GRAP2: variants seen among roughly 807,000 people sequenced by gnomAD.
The protein encoded by GRAP2 is GRB2 related adaptor protein 2.
Under a neutral mutation model 43.5 loss-of-function variants are expected in GRAP2, and 31 were observed. The observed-to-expected ratio is 0.71, with a 90% CI of 0.54 to 0.96. The LOEUF is 0.96. GRAP2 is among the 40% of genes least tolerant of loss of function. GRAP2 has a pLI of 0.00. For synonymous variants in GRAP2, 156 were observed against 164.8 expected (o/e 0.95, Z 0.41); for missense variants, 371 against 424.4 (o/e 0.87, Z 1.11).
intron 1 of GRAP2, among the ~76,000 whole-genome samples, chr22:39,928,185 G>A (rs986877877): frequency 9.3e-5 from 14 of 150,130 alleles, no homozygotes; most frequent in African/African-American, 2.9e-4. Flanking sequence ...CTTTTTTTTT[G>A]TCTTCTATCT....
chr22:39,911,116 A>ACTCAGAGG (rs2066561057), intron 1 of GRAP2, among the ~76,000 whole-genome samples: 1 of 152,204 alleles, frequency 6.6e-6, no homozygotes, highest in African/African-American at 2.4e-5. Flanking sequence ...AGGAAATGTC[A>ACTCAGAGG]CTCAGAGGCA....
rs377121774 is a variant in GRAP2, at chr22:39,913,049, T to C, written c.-15+11719T>C. On this transcript the variant is annotated intron_variant, in intron 1 of 7. Transcript: ENST00000344138. ...CTCTACTAAAAATACAAAAATTAGC[T>C]AGGCATGGTGGCGGGCGCCTGTAAT... is the stretch of plus-strand genomic sequence containing the variant. Among the ~76,000 whole-genome samples the C allele has an allele frequency of 6.2e-4, 94 of 151,730 alleles. 1 individual carries two copies. Among genetic ancestry groups the C allele is most frequent in the African/African-American group, 2.2e-3 (91 of 41,346 alleles).
chr22:39,947,035 G>T, intron 1 of GRAP2, 58 bp from the exon 2 acceptor site: 1 of 963,250 alleles, frequency 1.0e-6, no homozygotes. Context: ...AAGCACCATC[G>T]GCTCTGCTGC....
At chr22:39,969,909 C>T (rs762310386) in intron 7 of GRAP2, among the ~76,000 whole-genome samples, 1 of 151,940 alleles carries the variant, frequency 6.6e-6, no homozygotes, top group African/African-American at 2.4e-5. Flanking sequence ...AGCGAAACTC[C>T]GTCTCAAAAA....
intron 4 of GRAP2, among the ~76,000 whole-genome samples, chr22:39,962,841 T>C (rs1397385072): frequency 6.6e-6 from 1 of 151,980 alleles, no homozygotes; most frequent in Non-Finnish European, 1.5e-5. Flanking sequence ...GTGTGTGTGG[T>C]TTTTTTCAGT....
intron 2 of GRAP2, among the ~76,000 whole-genome samples, chr22:39,954,282 G>A (rs369590984): frequency 1.3e-5 from 2 of 152,196 alleles, no homozygotes; most frequent in East Asian, 3.8e-4. Flanking sequence ...TCCAGAAGTA[G>A]GAAGGCTCCT....
chr22:39,899,340 A>G (rs1056194211), upstream of GRAP2, among the ~76,000 whole-genome samples: 1 of 152,176 alleles, frequency 6.6e-6, no homozygotes, highest in African/African-American at 2.4e-5. Context: ...AACACCATTC[A>G]ACATTTTCCC....
Position 39,962,996 on chromosome 22 carries a change from T to A in GRAP2, c.290+2822T>A, listed in dbSNP as rs961918537. Among the ~76,000 whole-genome samples, 83 of 152,130 alleles carry A rather than the reference T, an allele frequency of 5.5e-4. 1 individual carries two copies. The highest frequency in any genetic ancestry group is 2.5e-4 in the Non-Finnish European group (17 of 68,020). Reference sequence around the variant, plus strand: ...AGAACTATGGTTTATATTTCCTTAATTAAAGTGAGTTCTACAAAACAGTAG... The same window carrying A: ...AGAACTATGGTTTATATTTCCTTAAATAAAGTGAGTTCTACAAAACAGTAG... On this transcript the variant is annotated intron_variant, in intron 4 of 7. Coordinates refer to ENST00000344138, the MANE Select transcript of GRAP2 (RefSeq NM_004810.4).
rs976098728 is a variant in GRAP2 at position 39,972,706 on chromosome 22, T to C, written c.*1622T>C. On this transcript the variant is annotated 3_prime_UTR_variant, in exon 8 of 8. Transcript: ENST00000344138. ...TGACTGTGATTCTACAGTTCTCTGATCCTCATGTTTCCTTTAGAGGAAAGA... is the reference window on the plus strand; with the variant it reads ...TGACTGTGATTCTACAGTTCTCTGACCCTCATGTTTCCTTTAGAGGAAAGA... 1 of 152,282 alleles carries C rather than the reference T, an allele frequency of 6.6e-6. No homozygotes were observed. The highest frequency in any genetic ancestry group is 2.1e-4 in the South Asian group (1 of 4,836). The allele number at this position is 152,282 out of a possible 1,614,324, so 9.4% of individuals were successfully genotyped here.
chr22:39,957,085 AT>A (rs2145657244), intron 3 of GRAP2, among the ~76,000 whole-genome samples: 1 of 152,328 alleles, frequency 6.6e-6, no homozygotes, highest in Non-Finnish European at 1.5e-5. Context: ...TGTCTCAAGA[AT>A]TGACCACAAG....
At chr22:39,959,698 G>C (rs1179319958) in intron 3 of GRAP2, among the ~76,000 whole-genome samples, 2 of 152,060 alleles carry the variant, frequency 1.3e-5, no homozygotes, top group Non-Finnish European at 2.9e-5. Flanking sequence ...CTCTGTCCTC[G>C]CAGCTCTGGT....
chr22:39,908,014 C>A (rs2066534974), intron 1 of GRAP2, among the ~76,000 whole-genome samples: 1 of 152,220 alleles, frequency 6.6e-6, no homozygotes, highest in Non-Finnish European at 1.5e-5. Context: ...TTCTGGAAAG[C>A]TGAATTCTGG....
At chr22:39,912,942 C>T (rs1252557194) in intron 1 of GRAP2, among the ~76,000 whole-genome samples, 1 of 151,988 alleles carries the variant, frequency 6.6e-6, no homozygotes, top group African/African-American at 2.4e-5. Context: ...CCTGTAATCC[C>T]AGCACTTTGG....
At chr22:39,942,302 C>G (rs1306172984) in intron 1 of GRAP2, among the ~76,000 whole-genome samples, 2 of 152,060 alleles carry the variant, frequency 1.3e-5, no homozygotes, top group Admixed American at 6.6e-5. Context: ...CTACTGTCTC[C>G]GAGAGGGGCT....
intron 2 of GRAP2, chr22:39,947,594 C>G (rs933639467): frequency 5.5e-6 from 1 of 181,560 alleles, no homozygotes; most frequent in African/African-American, 2.4e-5. Flanking sequence ...ATGTGCAAGC[C>G]CATGCTGAAT....
At chr22:39,920,323 ACTC>A (rs2066638732) in intron 1 of GRAP2, among the ~76,000 whole-genome samples, 1 of 152,156 alleles carries the variant, frequency 6.6e-6, no homozygotes, top group Admixed American at 6.5e-5. Context: ...GAAAATGTTC[ACTC>A]ATCTTCTTCC....
intron 6 of GRAP2, among the ~76,000 whole-genome samples, chr22:39,968,975 C>T (rs2145683664): frequency 6.6e-6 from 1 of 152,274 alleles, no homozygotes; most frequent in East Asian, 1.9e-4. Flanking sequence ...GCAGTCCTAC[C>T]CCTCTAAGCT....
chr22:39,912,274 G>T (rs1004204944), intron 1 of GRAP2, among the ~76,000 whole-genome samples: 17 of 152,124 alleles, frequency 1.1e-4, no homozygotes, highest in South Asian at 4.1e-4. Context: ...TTAAAAATTA[G>T]CCAGGGATGG....
chr22:39,939,561 CAAAAAAAA>C (rs386395434), intron 1 of GRAP2, among the ~76,000 whole-genome samples: 2 of 64,168 alleles, frequency 3.1e-5, no homozygotes, highest in Admixed American at 1.9e-4. Flanking sequence ...GACTCCGTCT[CAAAAAAAA>C]AAAAAAAAAA....
Sources: gnomAD v4.1 joint callset for allele counts (sites outside exome capture counted in the v4.1 genomes callset) on GRCh38, gnomAD v4.1.1 for gene constraint, MANE v1.5 for transcripts, NCBI Gene and HGNC (gene_info 2026-07-23, HGNC 2026-07-21) for gene names.